Variants in ASAP1 observed in about 807,000 individuals in gnomAD.
ASAP1 encodes the protein ArfGAP with SH3 domain, ankyrin repeat and PH domain 1, also known as arf-GAP with SH3 domain, ANK repeat and PH domain-containing protein 1.
Under a neutral mutation model 145.2 loss-of-function variants are expected in ASAP1, and 43 were observed. That is an observed-to-expected ratio of 0.30 (90% confidence interval 0.23 to 0.38). The LOEUF (loss-of-function observed/expected upper bound fraction) is 0.38, where lower values mean the gene tolerates loss of function less well. ASAP1 is among the 10% of genes least tolerant of loss of function. ASAP1 has a pLI of 1.00. For synonymous variants in ASAP1, 546 were observed against 515.5 expected, an observed-to-expected ratio of 1.06 and a Z score of -0.80; for missense variants, 1,018 against 1,355.3, an observed-to-expected ratio of 0.75 and a Z score of 3.91.
intron 2 of ASAP1, among the ~76,000 whole-genome samples, chr8:130,368,710 CCATCTTTGCCACA>C (rs934367253): frequency 3.2e-4 from 48 of 152,322 alleles, no homozygotes; most frequent in Admixed American, 2.8e-3. Flanking sequence ...CTACTGGTGA[CCATCTTTGCCACA>C]CATCAGAGAG....
chr8:130,144,314 C>T (rs1402037009), intron 13 of ASAP1, among the ~76,000 whole-genome samples: 1 of 152,144 alleles, frequency 6.6e-6, no homozygotes. Flanking sequence ...AACTGAGTAC[C>T]TAAACTGCCA....
intron 3 of ASAP1, among the ~76,000 whole-genome samples, chr8:130,273,373 C>T (rs1441074844): frequency 6.6e-6 from 1 of 152,102 alleles, no homozygotes; most frequent in African/African-American, 2.4e-5. Flanking sequence ...GGCAGGGTCA[C>T]GCCTGCTTCC....
intron 2 of ASAP1, among the ~76,000 whole-genome samples, chr8:130,389,990 T>G (rs1404155422): frequency 6.6e-6 from 1 of 152,220 alleles, no homozygotes; most frequent in Non-Finnish European, 1.5e-5. Context: ...TCAAACTACG[T>G]CTGCATCAGA....
intron 4 of ASAP1, among the ~76,000 whole-genome samples, chr8:130,229,958 G>A (rs1355405353): frequency 2.6e-5 from 4 of 151,994 alleles, no homozygotes; most frequent in East Asian, 1.9e-4. Context: ...GCTGCTACTC[G>A]GGAGGCTGAG....
At chr8:130,352,812 G>GA (rs2138070326) in intron 3 of ASAP1, among the ~76,000 whole-genome samples, 1 of 152,290 alleles carries the variant, frequency 6.6e-6, no homozygotes, top group African/African-American at 2.4e-5. Context: ...GCTTGATACT[G>GA]AATCTACATT....
chr8:130,192,223 A>G (rs1008355635), intron 5 of ASAP1, among the ~76,000 whole-genome samples: 1 of 151,544 alleles, frequency 6.6e-6, no homozygotes, highest in African/African-American at 2.4e-5. Flanking sequence ...GGCAAAAAAT[A>G]AAAAACCAAA....
chr8:130,093,653 C>A (rs1427757328), intron 24 of ASAP1, among the ~76,000 whole-genome samples: 1 of 115,984 alleles, frequency 8.6e-6, no homozygotes, highest in East Asian at 2.5e-4. Context: ...GCTGTCACAG[C>A]GAGACTCCGT....
intron 7 of ASAP1, among the ~76,000 whole-genome samples, chr8:130,186,009 C>T (rs1197929276): frequency 2.0e-5 from 3 of 152,166 alleles, no homozygotes; most frequent in African/African-American, 7.2e-5. Flanking sequence ...ACAAAGAAGA[C>T]ATATTCTACA....
intron 3 of ASAP1, among the ~76,000 whole-genome samples, chr8:130,309,506 T>C (rs369814507): frequency 2.0e-5 from 3 of 152,280 alleles, no homozygotes; most frequent in African/African-American, 7.2e-5. Context: ...AGGCACGGTA[T>C]GCAACTGCTG....
intron 27 of ASAP1, among the ~76,000 whole-genome samples, chr8:130,065,234 C>A (rs1428991657): frequency 1.3e-5 from 2 of 152,114 alleles, no homozygotes; most frequent in Non-Finnish European, 2.9e-5. Flanking sequence ...TGAACAGACA[C>A]ACAGGGCGGG....
chr8:130,366,449 T>C (rs1826952700), intron 2 of ASAP1, among the ~76,000 whole-genome samples: 1 of 152,182 alleles, frequency 6.6e-6, no homozygotes, highest in East Asian at 1.9e-4. Flanking sequence ...CCTATTGTGA[T>C]TGACACAGTT....
chr8:130,268,837 G>C (rs1820423456), intron 3 of ASAP1, among the ~76,000 whole-genome samples: 1 of 152,134 alleles, frequency 6.6e-6, no homozygotes, highest in Non-Finnish European at 1.5e-5. Flanking sequence ...ACTACTGTTT[G>C]TTAAACGAAA....
intron 3 of ASAP1, among the ~76,000 whole-genome samples, chr8:130,331,391 C>T (rs969797806): frequency 6.6e-6 from 1 of 152,186 alleles, no homozygotes; most frequent in Non-Finnish European, 1.5e-5. Context: ...GCATTCCTTA[C>T]TAACTGTGTC....
At chr8:130,253,005 T>C (rs922745191) in intron 3 of ASAP1, among the ~76,000 whole-genome samples, 14 of 152,322 alleles carry the variant, frequency 9.2e-5, no homozygotes, top group Admixed American at 6.5e-4. Context: ...TCTAAGATCC[T>C]ATAATGTCCT....
chr8:130,319,656 C>T (rs956858012), intron 3 of ASAP1, among the ~76,000 whole-genome samples: 9 of 152,218 alleles, frequency 5.9e-5, no homozygotes, highest in Admixed American at 4.6e-4. Flanking sequence ...ACTCTACTTA[C>T]TGAGATCCCT....
chr8:130,201,420 T>C (rs1046308754), intron 5 of ASAP1, among the ~76,000 whole-genome samples: 1 of 152,214 alleles, frequency 6.6e-6, no homozygotes, highest in African/African-American at 2.4e-5. Context: ...GAAAAATGGG[T>C]AGGTCTAAGA....
intron 15 of ASAP1, 140 bp from the exon 16 acceptor site, chr8:130,128,230 T>C (rs999620597): frequency 1.0e-5 from 5 of 499,404 alleles, no homozygotes; most frequent in Non-Finnish European, 1.5e-5. Context: ...CCTTCCAAAA[T>C]AGCAATAAAG....
chr8:130,142,474 A>G (rs2097614248), intron 13 of ASAP1, among the ~76,000 whole-genome samples: 1 of 152,316 alleles, frequency 6.6e-6, no homozygotes, highest in Non-Finnish European at 1.5e-5. Context: ...TTACTCATTC[A>G]TCATATATTT....
chr8:130,245,008 C>A (rs73427346), intron 3 of ASAP1, among the ~76,000 whole-genome samples: 1 of 152,120 alleles, frequency 6.6e-6, no homozygotes, highest in African/African-American at 2.4e-5. Flanking sequence ...TCCTGTGTAA[C>A]AACACCCACA....
Sources: gnomAD v4.1 joint callset for allele counts (sites outside exome capture counted in the v4.1 genomes callset) on GRCh38, gnomAD v4.1.1 for gene constraint, MANE v1.5 for transcripts, NCBI Gene and HGNC (gene_info 2026-07-23, HGNC 2026-07-21) for gene names.